The following CCDC60 variants were observed in gnomAD, a reference collection of about 807,000 sequenced individuals.
CCDC60 encodes coiled-coil domain-containing protein 60.
A neutral mutation model predicts 63.5 loss-of-function variants in CCDC60; 54 were observed. That is an observed-to-expected ratio of 0.85 (90% CI 0.68 to 1.07). CCDC60 has a LOEUF of 1.07. CCDC60 is among the 50% of genes least tolerant of loss of function. CCDC60 has a pLI of 0.00. For missense variants in CCDC60, 651 were observed against 684.3 expected, an observed-to-expected ratio of 0.95 and a Z score of 0.54; for synonymous variants, 206 against 238.8, an observed-to-expected ratio of 0.86 and a Z score of 1.27.
intron 9 of CCDC60, 57 bp downstream of exon 9, chr12:119,520,249 G>C: frequency 6.9e-7 from 1 of 1,445,860 alleles, no homozygotes; most frequent in Non-Finnish European, 9.7e-7. Context: ...CACTTACAGG[G>C]GCCACTGCAG....
chr12:119,445,559 A>G (rs1475918275), intron 2 of CCDC60, among the ~76,000 whole-genome samples: 3 of 151,290 alleles, frequency 2.0e-5, no homozygotes, highest in South Asian at 2.1e-4. Flanking sequence ...CAATTCTTCA[A>G]CAAGTTCCCT....
At chr12:119,338,978 T>C (rs1955503636) in intron 1 of CCDC60, among the ~76,000 whole-genome samples, 1 of 152,246 alleles carries the variant, frequency 6.6e-6, no homozygotes, top group Admixed American at 6.5e-5. Context: ...GCAACTGCCT[T>C]GTACAGGCTC....
intron 1 of CCDC60, among the ~76,000 whole-genome samples, chr12:119,363,516 T>A (rs1955812192): frequency 6.6e-6 from 1 of 152,094 alleles, no homozygotes. Context: ...TTTAACAAAG[T>A]CAAATTTATC....
At chr12:119,368,960 T>A (rs566647978) in intron 1 of CCDC60, among the ~76,000 whole-genome samples, 2 of 152,112 alleles carry the variant, frequency 1.3e-5, no homozygotes, top group Non-Finnish European at 1.5e-5. Flanking sequence ...CTAGAGAGGA[T>A]GAAGAAAGAG....
In CCDC60 at chr12:119,456,052, A is replaced by AAGCAAGCAAGC. The variant is rs1566019573; in HGVS notation, c.171-15941_171-15940insGCAAGCAAGCA. On this transcript the variant is annotated intron_variant, in intron 2 of 13. Coordinates refer to ENST00000327554, the MANE Select transcript of CCDC60 (RefSeq NM_178499.5). The surrounding 1 kb of genome is among the most constrained non-coding windows in gnomAD (Gnocchi z 4.6). The stretch of plus-strand genomic sequence containing the variant: ...GAAAGAAAGAAAGAAAGAAAGAAAG[A>AAGCAAGCAAGC]AAGAAAGAAAGCAAGCAAGCATGTG... Among the ~76,000 whole-genome samples the AAGCAAGCAAGC allele has an allele frequency of 2.0e-4, 23 of 114,030 alleles. 1 individual carries two copies. Among genetic ancestry groups the AAGCAAGCAAGC allele is most frequent in the East Asian group, 1.8e-3 (4 of 2,182 alleles). The allele number at this position is 114,030 out of a possible 152,430, so 74.8% of individuals were successfully genotyped here.
At chr12:119,404,569 GGAT>G (rs1956452277) in intron 1 of CCDC60, among the ~76,000 whole-genome samples, 1 of 152,210 alleles carries the variant, frequency 6.6e-6, no homozygotes, top group South Asian at 2.1e-4. Context: ...TGGACAGTGA[GGAT>G]GATTTATTGA....
chr12:119,538,413 T>A (rs1203051533), intron 13 of CCDC60, among the ~76,000 whole-genome samples: 1 of 152,314 alleles, frequency 6.6e-6, no homozygotes, highest in East Asian at 1.9e-4. Context: ...TTGCCCTCCA[T>A]GGGCTGCACC....
At chr12:119,390,104 G>A (rs1956130532) in intron 1 of CCDC60, among the ~76,000 whole-genome samples, 1 of 152,194 alleles carries the variant, frequency 6.6e-6, no homozygotes, top group South Asian at 2.1e-4. Context: ...ACTATTACAT[G>A]TAATGCTACC....
chr12:119,397,280 C>T (rs1330413886), intron 1 of CCDC60, among the ~76,000 whole-genome samples: 1 of 152,206 alleles, frequency 6.6e-6, no homozygotes, highest in African/African-American at 2.4e-5. Flanking sequence ...GAGCCGGTTG[C>T]CTCTACTGGC....
intron 1 of CCDC60, among the ~76,000 whole-genome samples, chr12:119,380,656 T>C (rs1303151595): frequency 6.6e-6 from 1 of 152,210 alleles, no homozygotes; most frequent in Non-Finnish European, 1.5e-5. Context: ...GGTACTTGTT[T>C]TTAAATTCTC....
At chr12:119,397,079 C>T (rs1043681695) in intron 1 of CCDC60, among the ~76,000 whole-genome samples, 2 of 151,402 alleles carry the variant, frequency 1.3e-5, no homozygotes, top group African/African-American at 2.4e-5. Context: ...TGGAGTTGTT[C>T]GTTCCTCCCC....
At chr12:119,526,281 T>G (rs1952674192) in intron 11 of CCDC60, among the ~76,000 whole-genome samples, 2 of 152,154 alleles carry the variant, frequency 1.3e-5, no homozygotes, top group Admixed American at 6.5e-5. Flanking sequence ...ATTAAAGACT[T>G]AAATGTAAAA....
intron 2 of CCDC60, chr12:119,447,619 A>G (rs908990441): frequency 6.6e-6 from 1 of 152,214 alleles, no homozygotes; most frequent in Non-Finnish European, 1.5e-5. Flanking sequence ...ATTAAGCACA[A>G]TAGGTAATAA....
intron 1 of CCDC60, among the ~76,000 whole-genome samples, chr12:119,340,804 T>C (rs182496527): frequency 1.3e-3 from 192 of 152,264 alleles, no homozygotes; most frequent in Admixed American, 4.2e-3. Context: ...TTGTTAAAGG[T>C]GACGTCAGCG....
rs1312277902 is a variant in CCDC60, at chr12:119,446,598, A to AAGGGAG, written c.170+17849_170+17854dup. ...GGGAGGAAGGATACAGGAAGAAAAA[A>AAGGGAG]AGGGAGAGGGAGAGGGAGGACGGGA... On this transcript the variant is annotated intron_variant, in intron 2 of 13. Coordinates refer to ENST00000327554, the MANE Select transcript of CCDC60 (RefSeq NM_178499.5). Among the ~76,000 whole-genome samples, 5 of 152,258 alleles carry AAGGGAG rather than the reference A, an allele frequency of 3.3e-5. No homozygotes were observed. In the East Asian group the frequency reaches 9.7e-4, roughly 29 times the overall value.
At chr12:119,426,538 T>C (rs1160250708) in intron 1 of CCDC60, among the ~76,000 whole-genome samples, 4 of 151,974 alleles carry the variant, frequency 2.6e-5, no homozygotes, top group Admixed American at 6.6e-5. Flanking sequence ...TTTGTATTTT[T>C]TGTAGAGACA....
Position 119,520,167 on chromosome 12 carries a change from G to A in CCDC60, c.1015G>A (p.Glu339Lys), listed in dbSNP as rs1297066120. 1 of 1,613,788 alleles carries A rather than the reference G, an allele frequency of 6.2e-7. No homozygotes were observed. Among genetic ancestry groups the A allele is most frequent in the East Asian group, 2.2e-5 (1 of 44,874 alleles). ...KQNKSNSAYK[E>K]MQTTLKSSER... ...AAACAAGAGTAATTCTGCTTATAAG[G>A]AAATGCAGACCACTCTCAAATCAAG... is the stretch of plus-strand genomic sequence containing the variant. Residue 339 changes from glutamate to lysine, a missense_variant, in exon 9 of 14, where the codon GAA becomes AAA. Physicochemically the swap from Glu to Lys is moderately conservative, Grantham distance 56. Coordinates refer to ENST00000327554, the MANE Select transcript of CCDC60 (RefSeq NM_178499.5).
At chr12:119,516,437 C>T (rs146720071) in intron 7 of CCDC60, among the ~76,000 whole-genome samples, 186 bp from the exon 8 acceptor site, 1,564 of 152,328 alleles carry the variant, frequency 0.01, 28 homozygotes, top group South Asian at 0.066. Context: ...AGGGGCGTGG[C>T]ATGGTCAGAT....
chr12:119,359,536 C>CTTTTTTTTTTTTT, intron 1 of CCDC60, among the ~76,000 whole-genome samples: 1 of 137,438 alleles, frequency 7.3e-6, no homozygotes. Flanking sequence ...TATCACAGGT[C>CTTTTTTTTTTTTT]TTTTTTTTTT....
Sources: gnomAD v4.1 joint callset for allele counts (sites outside exome capture counted in the v4.1 genomes callset) on GRCh38, gnomAD v4.1.1 for gene constraint, Gnocchi (gnomAD v3.1) non-coding constraint, MANE v1.5 for transcripts, NCBI Gene and HGNC (gene_info 2026-07-23, HGNC 2026-07-21) for gene names.